STARD13: variants seen among roughly 807,000 people sequenced by gnomAD.
STARD13 encodes stAR-related lipid transfer protein 13.
In STARD13, 62 loss-of-function variants were observed where a neutral mutation model predicts 106.4. The observed-to-expected ratio is 0.58, with a 90% CI of 0.48 to 0.72. The LOEUF (loss-of-function observed/expected upper bound fraction) is 0.72. Among genes scored for constraint, STARD13 ranks in the 30% least tolerant of loss-of-function variants. The probability of loss-of-function intolerance (pLI) is 0.00; values close to 1 mark genes in which losing one functional copy is unlikely to be tolerated. For missense variants in STARD13, 1,387 were observed against 1,424.0 expected (o/e 0.97, Z 0.42); for synonymous variants, 565 against 553.0 (o/e 1.02, Z -0.31).
chr13:33,488,193 A>T, the STARD13 span, among the ~76,000 whole-genome samples: 1 of 152,006 alleles, frequency 6.6e-6, no homozygotes, highest in African/African-American at 2.4e-5. Context: ...AACTACAGTT[A>T]TCTTGATTTT....
chr13:33,473,914 A>G, the STARD13 span, among the ~76,000 whole-genome samples: 31,190 of 152,130 alleles, frequency 0.21, 5,707 homozygotes, highest in African/African-American at 0.49. Context: ...CAGGTTAAAC[A>G]AGCTCAACCA....
the STARD13 span, among the ~76,000 whole-genome samples, chr13:33,634,570 GA>G: frequency 1.3e-4 from 20 of 152,032 alleles, no homozygotes; most frequent in African/African-American, 4.6e-4. Context: ...GCCATTTTTT[GA>G]AATCAAAATT....
chr13:33,190,386 A>G (rs2138501031), intron 1 of STARD13, among the ~76,000 whole-genome samples: 1 of 152,178 alleles, frequency 6.6e-6, no homozygotes, highest in South Asian at 2.1e-4. Context: ...CTATCACTGT[A>G]CTCCAGCCAG....
At chr13:33,669,530 CTTTTTTTTTTTTT>C in the STARD13 span, among the ~76,000 whole-genome samples, 2 of 103,156 alleles carry the variant, frequency 1.9e-5, no homozygotes, top group African/African-American at 8.7e-5. Context: ...AGAGGATGTT[CTTTTTTTTTTTTT>C]TTTTTTTTTT....
At chr13:33,609,206 A>G in the STARD13 span, among the ~76,000 whole-genome samples, 1 of 152,254 alleles carries the variant, frequency 6.6e-6, no homozygotes, top group Admixed American at 6.5e-5. Flanking sequence ...TATACTGGAA[A>G]ATGTGTAGAA....
chr13:33,484,890 T>C, the STARD13 span, among the ~76,000 whole-genome samples: 1 of 152,212 alleles, frequency 6.6e-6, no homozygotes, highest in Admixed American at 6.5e-5. Context: ...AAATTTATGC[T>C]CAATTTCAAA....
the STARD13 span, among the ~76,000 whole-genome samples, chr13:33,483,758 T>A: frequency 6.6e-6 from 1 of 152,134 alleles, no homozygotes; most frequent in Non-Finnish European, 1.5e-5. Flanking sequence ...TCTCTCATGT[T>A]CCTCTGCTGA....
the STARD13 span, among the ~76,000 whole-genome samples, chr13:33,519,599 A>G: frequency 6.6e-6 from 1 of 151,780 alleles, no homozygotes; most frequent in Non-Finnish European, 1.5e-5. Flanking sequence ...GCAAAATCTC[A>G]TTACTGTGAT....
chr13:33,372,555 G>A, the STARD13 span, among the ~76,000 whole-genome samples: 2 of 151,614 alleles, frequency 1.3e-5, no homozygotes, highest in East Asian at 3.9e-4. Context: ...CCTTTGTTGG[G>A]ATGCTGTGCT....
rs200878705 is a variant in STARD13, at chr13:33,127,408, C to G, written c.1887G>C (p.Glu629Asp). 6.2e-7 allele frequency: 1 copy of G among 1,605,264 alleles called. No individual in the cohort carries two copies. Among genetic ancestry groups the G allele is most frequent in the African/African-American group, 1.3e-5 (1 of 74,662 alleles). ...FSLLRLTAIM[E>D]KHSMSNKHGW... Reference sequence around the variant, plus strand: ...CGTGCTTGTTGGACATGGAGTGCTTCTCCATGATGGCCGTGAGGCGGAGCA... The same window carrying G: ...CGTGCTTGTTGGACATGGAGTGCTTGTCCATGATGGCCGTGAGGCGGAGCA... The change falls in exon 6 of 14, where the codon GAG becomes GAC. Residue 629 changes from glutamate (E) to aspartate (D), a missense_variant. Physicochemically the swap from Glu to Asp is conservative, Grantham distance 45. Coordinates refer to ENST00000336934, the MANE Select transcript of STARD13 (RefSeq NM_178006.4).
chr13:33,587,265 T>C, the STARD13 span, among the ~76,000 whole-genome samples: 621 of 151,862 alleles, frequency 4.1e-3, 3 homozygotes, highest in Non-Finnish European at 6.7e-3. Context: ...CCCTTGTAGC[T>C]AAAATCTTGC....
At chr13:33,531,031 T>C in the STARD13 span, among the ~76,000 whole-genome samples, 1 of 152,126 alleles carries the variant, frequency 6.6e-6, no homozygotes, top group Non-Finnish European at 1.5e-5. Context: ...GTGGGAGGGA[T>C]CAGGTGGGAG....
chr13:33,288,826 G>A (rs964494441), upstream of STARD13, among the ~76,000 whole-genome samples: 4 of 152,022 alleles, frequency 2.6e-5, no homozygotes, highest in South Asian at 2.1e-4. Flanking sequence ...TATTTCCAAG[G>A]TACTATATTT....
chr13:33,563,776 GTGAAGAGACAACCTACAGAA>G, the STARD13 span, among the ~76,000 whole-genome samples: 1 of 147,574 alleles, frequency 6.8e-6, no homozygotes, highest in African/African-American at 2.5e-5. Context: ...AAGAATCAAA[GTGAAGAGACAACCTACAGAA>G]TGAGAGAAAA....
At chr13:33,477,284 T>G in the STARD13 span, among the ~76,000 whole-genome samples, 1 of 152,234 alleles carries the variant, frequency 6.6e-6, no homozygotes, top group Non-Finnish European at 1.5e-5. Flanking sequence ...AATGAGTGCC[T>G]GCCCATCTCC....
At chr13:33,660,784 A>G in the STARD13 span, among the ~76,000 whole-genome samples, 10 of 152,128 alleles carry the variant, frequency 6.6e-5, no homozygotes, top group African/African-American at 2.4e-4. Flanking sequence ...AAGTCTCACT[A>G]TGTTGCACAG....
At chr13:33,111,049 A>C in intron 10 of STARD13, 142 bp from the exon 11 acceptor site, 1 of 676,254 alleles carries the variant, frequency 1.5e-6, no homozygotes, top group Non-Finnish European at 2.5e-6. Flanking sequence ...TTCTAAGATC[A>C]TTGCCAAGGC....
At chr13:33,162,607 A>G (rs1467260273) in intron 3 of STARD13, among the ~76,000 whole-genome samples, 1 of 152,118 alleles carries the variant, frequency 6.6e-6, no homozygotes, top group Non-Finnish European at 1.5e-5. Flanking sequence ...CAGATACCCT[A>G]AATCATCCTT....
At chr13:33,133,855 C>T (rs923208787) in intron 4 of STARD13, among the ~76,000 whole-genome samples, 1 of 151,884 alleles carries the variant, frequency 6.6e-6, no homozygotes, top group Non-Finnish European at 1.5e-5. Context: ...GCACTTGGGA[C>T]CCAGCAGAGC....
Sources: allele counts gnomAD v4.1 joint callset (sites outside exome capture counted in the v4.1 genomes callset), GRCh38; gene constraint gnomAD v4.1.1; transcripts MANE v1.5; gene names NCBI Gene and HGNC (gene_info 2026-07-23, HGNC 2026-07-21).